The following ACTA2 variants were observed in gnomAD, a reference collection of about 807,000 sequenced individuals.
ACTA2 encodes actin alpha 2, smooth muscle.
Under a neutral mutation model 39.5 loss-of-function variants are expected in ACTA2, and 12 were observed. That is an observed-to-expected ratio of 0.30 (90% CI 0.19 to 0.49). The LOEUF (loss-of-function observed/expected upper bound fraction) is 0.49. Among genes scored for constraint, ACTA2 ranks in the 20% least tolerant of loss-of-function variants. The pLI, the probability that ACTA2 is intolerant of heterozygous loss-of-function variation, is 0.99. For synonymous variants in ACTA2, 158 were observed against 180.6 expected (o/e 0.88, Z 1.00); for missense variants, 236 against 498.8 (o/e 0.47, Z 5.02).
intron 1 of ACTA2, among the ~76,000 whole-genome samples, chr10:88,988,464 T>C (rs1846985421): frequency 6.7e-6 from 1 of 148,762 alleles, no homozygotes; most frequent in Non-Finnish European, 1.5e-5. Context: ...TTCCTGTTTT[T>C]TTACATAGTC....
Position 88,990,684 on chromosome 10 carries a change from A to T in ACTA2, c.-24+255T>A, listed in dbSNP as rs965461197. On this transcript the variant is annotated intron_variant, in intron 1 of 4. Coordinates refer to the ACTA2 transcript ENST00000415557. This position sits in a 1 kb window ranked among gnomAD's most constrained non-coding sequence, Gnocchi z 4.9. Reference sequence around the variant, plus strand: ...AAGAGTGACACACAGGTGTTCAAAGACGCTTCTGGGGAGTGAGGGAAGCGG... The same window carrying T: ...AAGAGTGACACACAGGTGTTCAAAGTCGCTTCTGGGGAGTGAGGGAAGCGG... The T allele has an allele frequency of 1.4e-6, 1 of 712,504 alleles. No individual in the cohort carries two copies. Among genetic ancestry groups the T allele is most frequent in the African/African-American group, 1.7e-5 (1 of 57,348 alleles). The allele number at this position is 712,504 out of a possible 1,614,324, so 44.1% of individuals were successfully genotyped here.
chr10:88,938,289 C>T, intron 7 of ACTA2, 47 bp from the exon 8 acceptor site: 1 of 1,604,976 alleles, frequency 6.2e-7, no homozygotes. Flanking sequence ...GAGTAAAACC[C>T]AGGCTAGACA....
intron 8 of ACTA2, chr10:88,935,582 A>AT (rs770781747): frequency 9.7e-6 from 5 of 513,918 alleles, no homozygotes; most frequent in Non-Finnish European, 1.8e-5. Flanking sequence ...CAGTAAGCAC[A>AT]TTCGTTTTTC....
intron 1 of ACTA2, chr10:88,973,249 A>G: frequency 2.5e-6 from 4 of 1,612,676 alleles, no homozygotes; most frequent in Non-Finnish European, 3.4e-6. Flanking sequence ...AAAATTGGCT[A>G]TGGACCAAAT....
chr10:88,970,764 A>C (rs1846423218), intron 1 of ACTA2, among the ~76,000 whole-genome samples: 2 of 152,166 alleles, frequency 1.3e-5, no homozygotes, highest in Admixed American at 1.3e-4. Context: ...GATATACCTA[A>C]TGTAAATGAC....
intron 1 of ACTA2, among the ~76,000 whole-genome samples, chr10:88,967,375 A>C (rs1564655247): frequency 6.6e-6 from 1 of 152,148 alleles, no homozygotes; most frequent in Non-Finnish European, 1.5e-5. Flanking sequence ...CCCTTGGCAA[A>C]TCATCTAGCA....
chr10:88,965,185 C>T (rs1395742889), intron 1 of ACTA2, among the ~76,000 whole-genome samples: 2 of 152,138 alleles, frequency 1.3e-5, no homozygotes, highest in East Asian at 3.9e-4. Flanking sequence ...TTGATGTAAG[C>T]TCTTATATTT....
At chr10:88,936,158 T>A (rs2133240535) in intron 8 of ACTA2, among the ~76,000 whole-genome samples, 1 of 152,332 alleles carries the variant, frequency 6.6e-6, no homozygotes, top group South Asian at 2.1e-4. Flanking sequence ...TCTTGAAGAA[T>A]AAGTCTTAAA....
Position 88,943,922 on chromosome 10 carries a change from G to T in ACTA2, c.259-15C>A, listed in dbSNP as rs1239079270. ...TGGTGCCAGATCTAGTGAGTTGGGG[G>T]ACAGAGGAGAAACACAATGATGTGC... On this transcript the variant is annotated splice_polypyrimidine_tract_variant and intron_variant, in intron 3 of 8. Transcript: ENST00000224784. The T allele has an allele frequency of 1.9e-6, 3 of 1,608,470 alleles. No homozygotes were observed. The highest frequency in any genetic ancestry group is 1.6e-4 in the Middle Eastern group (1 of 6,072).
chr10:88,964,862 CT>C (rs1457310149), intron 1 of ACTA2, among the ~76,000 whole-genome samples: 1 of 152,130 alleles, frequency 6.6e-6, no homozygotes, highest in African/African-American at 2.4e-5. Context: ...TCCTTTGTAA[CT>C]TTCTTTTGCC....
At chr10:88,941,465 C>T (rs1023004327) in intron 5 of ACTA2, 75 bp from the exon 6 acceptor site, 18 of 1,582,682 alleles carry the variant, frequency 1.1e-5, no homozygotes, top group South Asian at 1.0e-4. Flanking sequence ...TAGAGGGAAG[C>T]CTTGGGGGAG....
At chr10:88,989,954 T>C (rs1003502313) in intron 1 of ACTA2, among the ~76,000 whole-genome samples, 1 of 152,210 alleles carries the variant, frequency 6.6e-6, no homozygotes, top group Non-Finnish European at 1.5e-5. Flanking sequence ...AAAGCAATAG[T>C]GACTTTGAAC....
intron 8 of ACTA2, 104 bp from the exon 9 acceptor site, chr10:88,935,470 T>C (rs1845718269): frequency 2.2e-6 from 3 of 1,334,640 alleles, no homozygotes; most frequent in Non-Finnish European, 3.2e-6. Context: ...TAGTTTCTTG[T>C]TCAGCAGGGA....
intron 1 of ACTA2, among the ~76,000 whole-genome samples, chr10:88,963,509 A>C (rs1564653780): frequency 6.6e-6 from 1 of 152,038 alleles, no homozygotes; most frequent in African/African-American, 2.4e-5. Flanking sequence ...TAGTCAAGAC[A>C]TTTTTTGTCC....
chr10:88,949,678 C>T (rs1846015460), intron 1 of ACTA2, among the ~76,000 whole-genome samples: 1 of 152,080 alleles, frequency 6.6e-6, no homozygotes, highest in African/African-American at 2.4e-5. Context: ...GAATACTTTA[C>T]TGCCATTAAA....
chr10:88,986,786 G>A (rs1194081380), intron 1 of ACTA2, among the ~76,000 whole-genome samples: 1 of 152,164 alleles, frequency 6.6e-6, no homozygotes, highest in Admixed American at 6.5e-5. Flanking sequence ...GAGGAAGGAA[G>A]TAGTACAGGA....
At chr10:88,980,275 T>C (rs1443058697) in intron 1 of ACTA2, among the ~76,000 whole-genome samples, 1 of 152,092 alleles carries the variant, frequency 6.6e-6, no homozygotes, top group African/African-American at 2.4e-5. Context: ...TTGAAGAGCA[T>C]CTGGGAAGAG....
At chr10:88,958,632 A>C (rs1023963256) in intron 1 of ACTA2, among the ~76,000 whole-genome samples, 1 of 152,194 alleles carries the variant, frequency 6.6e-6, no homozygotes, top group African/African-American at 2.4e-5. Flanking sequence ...AAGCAAAAGC[A>C]GATGACTTCA....
Position 88,941,325 on chromosome 10 carries a change from G to A in ACTA2, c.520C>T (p.Pro174Ser). The A allele has an allele frequency of 6.2e-7, 1 of 1,613,842 alleles. No homozygotes were observed. Among genetic ancestry groups the A allele is most frequent in the Non-Finnish European group, 8.5e-7 (1 of 1,179,928 alleles). Residue 174 changes from proline (P) to serine (S), a missense_variant, in exon 6 of 9, where the codon CCC (proline) becomes TCC (serine). Coordinates refer to ENST00000224784, the MANE Select transcript of ACTA2 (RefSeq NM_001613.4). ...AGATCCAGACGCATGATGGCATGGG[G>A]CAAGGCATAGCCCTCATAGATGGGG... ...NVPIYEGYAL[P>S]HAIMRLDLAG...
Sources: allele counts gnomAD v4.1 joint callset (sites outside exome capture counted in the v4.1 genomes callset), GRCh38; gene constraint gnomAD v4.1.1; non-coding constraint Gnocchi (gnomAD v3.1); transcripts MANE v1.5; gene names NCBI Gene and HGNC (gene_info 2026-07-23, HGNC 2026-07-21).